FOXK2: variants seen among roughly 807,000 people sequenced by gnomAD.
FOXK2 encodes forkhead box protein K2.
A neutral mutation model predicts 53.3 loss-of-function variants in FOXK2; 24 were observed. The ratio of observed to expected loss-of-function variants is 0.45; its 90% CI spans 0.33 to 0.63. The LOEUF (loss-of-function observed/expected upper bound fraction) is 0.63. FOXK2 is among the 30% of genes least tolerant of loss of function. The pLI, the probability that FOXK2 is intolerant of heterozygous loss-of-function variation, is 0.03. For synonymous variants in FOXK2, 505 were observed against 407.1 expected, an observed-to-expected ratio of 1.24 and a Z score of -2.89; for missense variants, 952 against 910.5, an observed-to-expected ratio of 1.05 and a Z score of -0.59.
In FOXK2 at chr17:82,586,061, G is replaced by T; in HGVS notation, c.1437G>T (p.Ala479=). The change falls in exon 7 of 9, where the codon GCG becomes GCT. Residue 479 remains alanine, a synonymous_variant. Transcript: ENST00000335255. ...QTVHVVHQIP[A]VSVTSVAGLA... is the part of the protein sequence containing the mutation. ...TTCACGTCGTCCACCAGATCCCAGC[G>T]GTGTCGGTCACCAGTGTGGCCGGAC... is the stretch of plus-strand genomic sequence containing the variant. 7 of 1,612,786 alleles carry T rather than the reference G, an allele frequency of 4.3e-6. No homozygotes were observed. The highest frequency in any genetic ancestry group is 5.9e-6 in the Non-Finnish European group (7 of 1,179,972).
intron 1 of FOXK2, among the ~76,000 whole-genome samples, chr17:82,531,697 A>G (rs1192240902): frequency 1.3e-5 from 2 of 152,186 alleles, no homozygotes; most frequent in African/African-American, 4.8e-5. Context: ...AAGGTACAAA[A>G]GATAAAGGTA....
At chr17:82,535,837 G>C (rs561755482) in intron 1 of FOXK2, among the ~76,000 whole-genome samples, 1 of 149,846 alleles carries the variant, frequency 6.7e-6, no homozygotes, top group South Asian at 2.1e-4. Context: ...AACCTCTTCT[G>C]GTTCAAGCGA....
chr17:82,530,700 G>A, intron 1 of FOXK2, among the ~76,000 whole-genome samples: 1 of 151,968 alleles, frequency 6.6e-6, no homozygotes, highest in Non-Finnish European at 1.5e-5. Context: ...AGTAGAGACG[G>A]GGTTTCACCA....
chr17:82,583,083 G>A, intron 5 of FOXK2, 149 bp downstream of exon 5: 1 of 603,688 alleles, frequency 1.7e-6, no homozygotes, highest in Non-Finnish European at 2.7e-6. Context: ...AGTGTTGGGT[G>A]CTGCCCAGGT....
At chr17:82,596,299 C>T in intron 8 of FOXK2, 1 of 772,224 alleles carries the variant, frequency 1.3e-6, no homozygotes, top group Non-Finnish European at 1.6e-6. Flanking sequence ...GTTCCTTGCC[C>T]AGATTCTTGG....
intron 1 of FOXK2, 35 bp from the exon 2 acceptor site, chr17:82,563,319 G>A: frequency 6.3e-7 from 1 of 1,593,162 alleles, no homozygotes. Context: ...GGCTGGAACA[G>A]CAAAAGGTGC....
At chr17:82,584,226 G>T in intron 6 of FOXK2, 38 bp downstream of exon 6, 1 of 1,539,612 alleles carries the variant, frequency 6.5e-7, no homozygotes, top group Non-Finnish European at 8.7e-7. Flanking sequence ...CCCCAACAGC[G>T]TGAGCCAGAC....
At chr17:82,572,802 G>C (rs899004199) in intron 4 of FOXK2, among the ~76,000 whole-genome samples, 1 of 152,158 alleles carries the variant, frequency 6.6e-6, no homozygotes, top group Admixed American at 6.5e-5. Context: ...ACATGGCTTA[G>C]TGGTAAGGAT....
chr17:82,567,717 A>C (rs1264437721), intron 2 of FOXK2, among the ~76,000 whole-genome samples: 2 of 151,334 alleles, frequency 1.3e-5, no homozygotes, highest in Admixed American at 6.6e-5. Context: ...TTGTGTCTTT[A>C]ATAAGTTCTG....
At chr17:82,598,828 C>T (rs2045346907) in intron 8 of FOXK2, 1 of 152,204 alleles carries the variant, frequency 6.6e-6, no homozygotes, top group Non-Finnish European at 1.5e-5. Flanking sequence ...CAGACACTGG[C>T]TGTGACTCGC....
chr17:82,561,760 G>C (rs2044796224), intron 1 of FOXK2, among the ~76,000 whole-genome samples: 1 of 152,230 alleles, frequency 6.6e-6, no homozygotes, highest in African/African-American at 2.4e-5. Context: ...CCCTGAAGCG[G>C]GAGGGCCATG....
chr17:82,558,477 T>A (rs2044756404), intron 1 of FOXK2, among the ~76,000 whole-genome samples: 1 of 152,176 alleles, frequency 6.6e-6, no homozygotes, highest in Admixed American at 6.5e-5. Context: ...ACAGATAATA[T>A]GGGGGTGTGG....
chr17:82,547,560 G>A (rs1386807470), intron 1 of FOXK2, among the ~76,000 whole-genome samples: 1 of 152,050 alleles, frequency 6.6e-6, no homozygotes, highest in Admixed American at 6.6e-5. Flanking sequence ...GTTTTACAGT[G>A]TGCAATACTG....
intron 6 of FOXK2, among the ~76,000 whole-genome samples, chr17:82,584,549 CTTTTTTTT>C (rs34083156): frequency 0.15 from 13,384 of 89,996 alleles, 871 homozygotes; most frequent in South Asian, 0.25. Context: ...AAAACATGTC[CTTTTTTTT>C]TTTTTTTTTT....
At chr17:82,521,567 G>T (rs2044361930) in intron 1 of FOXK2, among the ~76,000 whole-genome samples, 1 of 151,828 alleles carries the variant, frequency 6.6e-6, no homozygotes, top group African/African-American at 2.4e-5. Context: ...GTGTGCATGC[G>T]CTGTTCTGTT....
chr17:82,601,587 C>G lies in FOXK2; in HGVS notation c.*88C>G, dbSNP rs868665797. 1.5e-5 allele frequency: 20 copies of G among 1,356,396 alleles called. No homozygotes were observed. In the Middle Eastern group the frequency reaches 2.3e-3, roughly 156 times the overall value. 84.0% of individuals were successfully genotyped at this position (1,356,396 alleles called of 1,614,324 possible). ...CCGCCAGCACTCGGGGGTGCAGGGC[C>G]CTGTGGTTGGACTTCACCTCTCAGC... On this transcript the variant is annotated 3_prime_UTR_variant, in exon 9 of 9. Coordinates refer to ENST00000335255, the MANE Select transcript of FOXK2 (RefSeq NM_004514.4).
intron 1 of FOXK2, among the ~76,000 whole-genome samples, chr17:82,559,673 C>T (rs1292308505): frequency 1.6e-5 from 2 of 127,024 alleles, no homozygotes; most frequent in East Asian, 5.7e-4. Flanking sequence ...CCACCCCCCA[C>T]CCACCCCCCT....
At chr17:82,535,188 C>T (rs142351112) in intron 1 of FOXK2, among the ~76,000 whole-genome samples, 3 of 152,238 alleles carry the variant, frequency 2.0e-5, no homozygotes, top group East Asian at 1.9e-4. Flanking sequence ...CCTTGGCCTT[C>T]GTGATTTCTG....
At chr17:82,558,079 T>C (rs999459289) in intron 1 of FOXK2, among the ~76,000 whole-genome samples, 1 of 152,194 alleles carries the variant, frequency 6.6e-6, no homozygotes, top group Non-Finnish European at 1.5e-5. Context: ...ATGCCTGTGC[T>C]TCCAGTACTT....
Sources: gnomAD v4.1 joint callset for allele counts (sites outside exome capture counted in the v4.1 genomes callset) on GRCh38, gnomAD v4.1.1 for gene constraint, MANE v1.5 for transcripts, NCBI Gene and HGNC (gene_info 2026-07-23, HGNC 2026-07-21) for gene names.